The following NRXN1 variants were observed in gnomAD, a reference collection of about 807,000 sequenced individuals.
NRXN1 encodes neurexin-1.
In NRXN1, 39 loss-of-function variants were observed where a neutral mutation model predicts 150.9. The observed-to-expected ratio is 0.26, with a 90% CI of 0.20 to 0.34. The LOEUF (loss-of-function observed/expected upper bound fraction) is 0.34, where lower values mean the gene tolerates loss of function less well. Among genes scored for constraint, NRXN1 ranks in the 10% least tolerant of loss-of-function variants. The pLI, the probability that NRXN1 is intolerant of heterozygous loss-of-function variation, is 1.00. For synonymous variants in NRXN1, 924 were observed against 757.0 expected (o/e 1.22, Z -3.62); for missense variants, 1,815 against 1,949.9 (o/e 0.93, Z 1.30).
chr2:50,015,716 A>G (rs1359388642), intron 21 of NRXN1, among the ~76,000 whole-genome samples: 1 of 152,126 alleles, frequency 6.6e-6, no homozygotes, highest in Non-Finnish European at 1.5e-5. Context: ...ACCACTGAAC[A>G]TCATAGAGAA....
chr2:50,384,642 A>C (rs546964558), intron 17 of NRXN1, among the ~76,000 whole-genome samples: 3 of 152,136 alleles, frequency 2.0e-5, no homozygotes, highest in Non-Finnish European at 4.4e-5. Flanking sequence ...CCCATGCACA[A>C]ATACCCAACT....
chr2:50,526,912 C>A (rs1231912951), intron 12 of NRXN1: 1 of 152,082 alleles, frequency 6.6e-6, no homozygotes, highest in African/African-American at 2.4e-5. Flanking sequence ...ATAAGACTGT[C>A]CTCAATACCA....
chr2:50,419,606 T>C (rs928737111), intron 17 of NRXN1, among the ~76,000 whole-genome samples: 7 of 151,456 alleles, frequency 4.6e-5, no homozygotes, highest in Non-Finnish European at 1.0e-4. Flanking sequence ...AGGAAGAAAA[T>C]GAGAAGGAAG....
intron 5 of NRXN1, among the ~76,000 whole-genome samples, chr2:50,785,170 C>A (rs1240244679): frequency 6.6e-6 from 1 of 151,540 alleles, no homozygotes; most frequent in Non-Finnish European, 1.5e-5. Flanking sequence ...CCAGGAAAAG[C>A]GGCCTAGCCA....
intron 5 of NRXN1, among the ~76,000 whole-genome samples, chr2:50,638,304 G>A (rs1042156238): frequency 6.6e-6 from 1 of 152,042 alleles, no homozygotes; most frequent in African/African-American, 2.4e-5. Flanking sequence ...CCAATGACCA[G>A]TTTATTTTAA....
rs78852687 is a variant in NRXN1 at position 50,914,411 on chromosome 2, G to A, written c.832+7458C>T. 7.0e-3 allele frequency among the ~76,000 whole-genome samples: 1,063 copies of A among 151,740 alleles called. 8 individuals are homozygous for A. The highest frequency in any genetic ancestry group is 0.024 in the African/African-American group (1,002 of 41,444). On this transcript the variant is annotated intron_variant, in intron 5 of 22. Transcript: ENST00000401669. ...TCCTGAAAACGTCGCAATGAATCATGCTATTCAGAAGCCAAACTTCCAGGA... is the reference window on the plus strand; with the variant it reads ...TCCTGAAAACGTCGCAATGAATCATACTATTCAGAAGCCAAACTTCCAGGA...
intron 5 of NRXN1, among the ~76,000 whole-genome samples, chr2:50,647,611 G>C (rs1685008094): frequency 6.6e-6 from 1 of 151,900 alleles, no homozygotes; most frequent in African/African-American, 2.4e-5. Flanking sequence ...AAGACCCAAA[G>C]AAAAGCTTTA....
chr2:50,771,873 G>A (rs1025317344), intron 5 of NRXN1, among the ~76,000 whole-genome samples: 2 of 152,034 alleles, frequency 1.3e-5, no homozygotes, highest in African/African-American at 4.8e-5. Flanking sequence ...CAGAATTCCT[G>A]CCCTAATAAA....
At position 50,347,190 on chromosome 2, in the gene NRXN1, T is replaced by C. The variant is rs201386038; in HGVS notation, c.3365-110220A>G. 7 of 1,353,400 alleles carry C rather than the reference T, an allele frequency of 5.2e-6. No individual in the cohort carries two copies. The highest frequency in any genetic ancestry group is 6.8e-6 in the Non-Finnish European group (7 of 1,031,954). 83.8% of individuals were successfully genotyped at this position (1,353,400 alleles called of 1,614,324 possible). ...GCGAATGCAGCTGGAGAGGGGCTTGTCCGGAAAGGCAGCCCCGGGAACAGC... is the reference window on the plus strand; with the variant it reads ...GCGAATGCAGCTGGAGAGGGGCTTGCCCGGAAAGGCAGCCCCGGGAACAGC... On this transcript the variant is annotated intron_variant, in intron 17 of 22. Coordinates refer to ENST00000401669, the MANE Select transcript of NRXN1 (RefSeq NM_001330078.2). This position sits in a 1 kb window ranked among gnomAD's most constrained non-coding sequence, Gnocchi z 4.9.
At chr2:50,437,010 C>T (rs950380636) in intron 17 of NRXN1, among the ~76,000 whole-genome samples, 2 of 152,058 alleles carry the variant, frequency 1.3e-5, no homozygotes, top group Non-Finnish European at 2.9e-5. Flanking sequence ...AGGTAGGAAA[C>T]CTCTGGTAAA....
At chr2:50,765,163 A>G (rs976302070) in intron 5 of NRXN1, among the ~76,000 whole-genome samples, 1 of 152,066 alleles carries the variant, frequency 6.6e-6, no homozygotes, top group African/African-American at 2.4e-5. Context: ...TATTCGAAGC[A>G]CAATACATAA....
chr2:50,754,416 A>G (rs1700953416), intron 5 of NRXN1, among the ~76,000 whole-genome samples: 1 of 151,852 alleles, frequency 6.6e-6, no homozygotes, highest in Non-Finnish European at 1.5e-5. Flanking sequence ...ATTTTTTCCA[A>G]ACAATTGATT....
At chr2:50,719,868 C>T (rs1696405729) in intron 5 of NRXN1, among the ~76,000 whole-genome samples, 2 of 152,072 alleles carry the variant, frequency 1.3e-5, no homozygotes, top group Non-Finnish European at 2.9e-5. Context: ...ATTTCAAGAC[C>T]CTGTTCATTC....
chr2:50,610,911 A>AT (rs1678009055), intron 8 of NRXN1, among the ~76,000 whole-genome samples: 1 of 149,012 alleles, frequency 6.7e-6, no homozygotes, highest in Non-Finnish European at 1.5e-5. Context: ...CGTTTCACTA[A>AT]TTTTTTGTAT....
chr2:50,808,008 C>T (rs1206703164), intron 5 of NRXN1, among the ~76,000 whole-genome samples: 2 of 152,050 alleles, frequency 1.3e-5, no homozygotes, highest in Non-Finnish European at 2.9e-5. Context: ...TTATCTATTA[C>T]TTGCATTTTG....
intron 18 of NRXN1, among the ~76,000 whole-genome samples, chr2:50,162,546 C>T (rs960825140): frequency 4.0e-5 from 6 of 151,638 alleles, no homozygotes; most frequent in African/African-American, 1.5e-4. Context: ...AGAAATGGAA[C>T]CAGAAGATTA....
intron 17 of NRXN1, among the ~76,000 whole-genome samples, chr2:50,315,326 A>G (rs768105686): frequency 9.2e-5 from 14 of 152,098 alleles, no homozygotes; most frequent in Non-Finnish European, 1.6e-4. Context: ...CTTCCCTGCT[A>G]TGCTTCTGGG....
chr2:49,945,463 G>A (rs568774204), intron 21 of NRXN1, among the ~76,000 whole-genome samples: 5 of 149,856 alleles, frequency 3.3e-5, no homozygotes, highest in African/African-American at 9.9e-5. Context: ...ATGTATACAC[G>A]TGCCATGGTG....
chr2:50,921,131 T>C (rs1184031853), intron 5 of NRXN1, among the ~76,000 whole-genome samples: 1 of 151,828 alleles, frequency 6.6e-6, no homozygotes, highest in Non-Finnish European at 1.5e-5. Flanking sequence ...AAGACTATTC[T>C]ATATGTTTGC....
Sources: gnomAD v4.1 joint callset for allele counts (sites outside exome capture counted in the v4.1 genomes callset) on GRCh38, gnomAD v4.1.1 for gene constraint, Gnocchi (gnomAD v3.1) non-coding constraint, MANE v1.5 for transcripts, NCBI Gene and HGNC (gene_info 2026-07-23, HGNC 2026-07-21) for gene names.